Variants in BBS4 observed in about 807,000 individuals in gnomAD.
BBS4 encodes Bardet-Biedl syndrome 4, also known as BBSome complex member BBS4.
A neutral mutation model predicts 71.4 loss-of-function variants in BBS4; 58 were observed. That is an observed-to-expected ratio of 0.81 (90% CI 0.66 to 1.01). The LOEUF (loss-of-function observed/expected upper bound fraction) is 1.01, where lower values mean the gene tolerates loss of function less well. Among genes scored for constraint, BBS4 ranks in the 50% least tolerant of loss-of-function variants. BBS4 has a pLI of 0.00. For synonymous variants in BBS4, 228 were observed against 216.8 expected (o/e 1.05, Z -0.46); for missense variants, 660 against 607.9 (o/e 1.09, Z -0.90).
rs758120829 is a variant in BBS4 at position 72,737,583 on chromosome 15, A to G, written c.1556A>G (p.Lys519Arg). 7.9e-5 allele frequency: 127 copies of G among 1,603,348 alleles called. No individual in the cohort carries two copies. In the Middle Eastern group the frequency reaches 1.8e-3, roughly 23 times the overall value. Residue 519 changes from lysine to arginine, a missense_variant, in exon 16 of 16, where the codon AAA (lysine) becomes AGA (arginine). Lys to Arg is a conservative substitution (Grantham distance 26). Transcript: ENST00000268057. ...PTETSEQIREK is the reference protein window; with the variant it reads ...PTETSEQIRER ...GAAACATCAGAACAAATAAGAGAGA[A>G]ATAAGAATAGAATGAATGACCCCAA...
At position 72,731,442 on chromosome 15, in the gene BBS4, G is replaced by A; in HGVS notation, c.849G>A (p.Lys283=). The A allele has an allele frequency of 6.2e-7, 1 of 1,614,172 alleles. No homozygotes were observed. The highest frequency in any genetic ancestry group is 1.3e-5 in the African/African-American group (1 of 75,034). The change falls in exon 11 of 16, where the codon AAG becomes AAA. Residue 283 remains lysine, a synonymous_variant. Transcript: ENST00000268057. ...WNNIGMCFFG[K]KKYVAAISCL... is the part of the protein sequence containing the mutation. ...ACATTGGAATGTGTTTCTTTGGCAA[G>A]AAGAAATATGTGGCGGTGAGTGTCC... is the stretch of plus-strand genomic sequence containing the variant.
rs58644289 is a variant in BBS4 at position 72,688,411 on chromosome 15, C to CTTTTTTTTTTTTTTTTTTTTTTTTT, written c.24+2180_24+2181insTTTTTTTTTTTTTTTTTTTTTTTTT. Among the ~76,000 whole-genome samples, 151 of 83,052 alleles carry CTTTTTTTTTTTTTTTTTTTTTTTTT rather than the reference C, an allele frequency of 1.8e-3. 31 individuals carry two copies. Among genetic ancestry groups the CTTTTTTTTTTTTTTTTTTTTTTTTT allele is most frequent in the East Asian group, 5.2e-3 (10 of 1,908 alleles). The allele number at this position is 83,052 out of a possible 152,430, so 54.5% of individuals were successfully genotyped here. A position where few individuals can be genotyped will look rare whatever the true frequency, so the allele number is the denominator to read the frequency against. ...GTCCTTTTAGGAAGTGGTATTTTATCTTTTTTTTTTTTTTTTTTTTGAGAC... is the reference window on the plus strand; with the variant it reads ...GTCCTTTTAGGAAGTGGTATTTTATCTTTTTTTTTTTTTTTTTTTTTTTTTTTTTTTTTTTTTTTTTTTTTGAGAC... On this transcript the variant is annotated intron_variant, in intron 1 of 15. Coordinates refer to ENST00000268057, the MANE Select transcript of BBS4 (RefSeq NM_033028.5).
intron 3 of BBS4, among the ~76,000 whole-genome samples, chr15:72,709,988 T>C (rs1413728307): frequency 3.3e-5 from 5 of 152,100 alleles, no homozygotes; most frequent in Admixed American, 1.3e-4. Context: ...CAAACAAATA[T>C]TAATTGCTCA....
rs749441414 is a variant in BBS4, at chr15:72,737,813, A to G, written c.*226A>G. 5.4e-6 allele frequency: 3 copies of G among 560,176 alleles called. No homozygotes were observed. The highest frequency in any genetic ancestry group is 4.9e-4 in the Middle Eastern group (1 of 2,036). The allele number at this position is 560,176 out of a possible 1,614,324, so 34.7% of individuals were successfully genotyped here. Reference sequence around the variant, plus strand: ...ATAAGCCAGGAAAAGTGAAAAGAGAACACAGTTCCTTTAAGAACTGGCAGC... The same window carrying G: ...ATAAGCCAGGAAAAGTGAAAAGAGAGCACAGTTCCTTTAAGAACTGGCAGC... On this transcript the variant is annotated 3_prime_UTR_variant, in exon 16 of 16. Coordinates refer to ENST00000268057, the MANE Select transcript of BBS4 (RefSeq NM_033028.5).
At chr15:72,690,496 CTT>C (rs969059466) in intron 1 of BBS4, among the ~76,000 whole-genome samples, 2 of 152,092 alleles carry the variant, frequency 1.3e-5, no homozygotes, top group Admixed American at 6.6e-5. Context: ...CTTTTTGAGT[CTT>C]TAACATTCTT....
At chr15:72,710,419 C>A (rs1403298924) in intron 3 of BBS4, among the ~76,000 whole-genome samples, 1 of 151,974 alleles carries the variant, frequency 6.6e-6, no homozygotes, top group Admixed American at 6.6e-5. Flanking sequence ...CCAGGCTGGT[C>A]TCGAACTCCT....
intron 1 of BBS4, among the ~76,000 whole-genome samples, chr15:72,693,808 T>C (rs2065027418): frequency 6.6e-6 from 1 of 152,202 alleles, no homozygotes; most frequent in South Asian, 2.1e-4. Flanking sequence ...ATTATTCTTA[T>C]GATGTCTTAT....
intron 9 of BBS4, among the ~76,000 whole-genome samples, chr15:72,728,612 AG>A (rs1217862987): frequency 6.6e-6 from 1 of 152,196 alleles, no homozygotes; most frequent in Admixed American, 6.5e-5. Context: ...GTGAGCACTT[AG>A]GGCTTTGGGG....
intron 6 of BBS4, 82 bp downstream of exon 6, chr15:72,716,932 T>C: frequency 1.0e-6 from 1 of 986,764 alleles, no homozygotes; most frequent in Non-Finnish European, 1.6e-6. Context: ...TATTTCTGAA[T>C]TCTTACATTC....
At chr15:72,686,312 T>C in intron 1 of BBS4, 61 bp downstream of exon 1, 2 of 1,549,762 alleles carry the variant, frequency 1.3e-6, no homozygotes, top group Non-Finnish European at 8.7e-7. Context: ...GGCGGGTGGC[T>C]TTTGTCCCAT....
At chr15:72,731,208 T>C (rs1466511167) in intron 10 of BBS4, 97 bp from the exon 11 acceptor site, 8 of 1,490,492 alleles carry the variant, frequency 5.4e-6, no homozygotes, top group Non-Finnish European at 7.4e-6. Context: ...GTCCCATCTA[T>C]GCTGATGGGC....
chr15:72,722,510 A>C (rs1326168143), intron 6 of BBS4, among the ~76,000 whole-genome samples: 1 of 152,248 alleles, frequency 6.6e-6, no homozygotes. Context: ...TAAAGAAAAA[A>C]GGTATGGGGA....
intron 1 of BBS4, among the ~76,000 whole-genome samples, chr15:72,692,845 G>C (rs1362612962): frequency 6.6e-6 from 1 of 151,598 alleles, no homozygotes; most frequent in East Asian, 1.9e-4. Flanking sequence ...TGATCCTCCT[G>C]CCTCAGCCTC....
chr15:72,716,787 G>C lies in BBS4; in HGVS notation c.342G>C (p.Leu114Phe). The change falls in exon 6 of 16, where the codon TTG becomes TTC. Residue 114 changes from leucine to phenylalanine, a missense_variant. Physicochemically the swap from Leu to Phe is conservative, Grantham distance 22. Transcript: ENST00000268057. Reference sequence around the variant, plus strand: ...AATATATCTTTTACAGATTTCTTTTGGGAAAACATAAAGCTGCCATTGAAG... The same window carrying C: ...AATATATCTTTTACAGATTTCTTTTCGGAAAACATAAAGCTGCCATTGAAG... ...LKQVARSLFL[L>F]GKHKAAIEVY... The C allele has an allele frequency of 6.2e-7, 1 of 1,607,814 alleles. No homozygotes were observed. The highest frequency in any genetic ancestry group is 1.1e-5 in the South Asian group (1 of 90,426).
At chr15:72,713,456 G>A (rs1236369436) in intron 4 of BBS4, among the ~76,000 whole-genome samples, 1 of 152,048 alleles carries the variant, frequency 6.6e-6, no homozygotes, top group Non-Finnish European at 1.5e-5. Context: ...AACATACATG[G>A]AGCTGTCATC....
chr15:72,728,029 G>A (rs956832906), intron 9 of BBS4, 35 bp downstream of exon 9: 1 of 1,516,788 alleles, frequency 6.6e-7, no homozygotes, highest in East Asian at 2.3e-5. Context: ...ATGCACTGAT[G>A]TTAGAAATGG....
At chr15:72,692,019 G>A (rs1395872848) in intron 1 of BBS4, among the ~76,000 whole-genome samples, 1 of 150,594 alleles carries the variant, frequency 6.6e-6, no homozygotes, top group Non-Finnish European at 1.5e-5. Context: ...GGTAAGTGAG[G>A]TGCTTAGGGT....
intron 12 of BBS4, among the ~76,000 whole-genome samples, chr15:72,734,105 A>G (rs2065877219): frequency 6.6e-6 from 1 of 151,976 alleles, no homozygotes; most frequent in African/African-American, 2.4e-5. Flanking sequence ...TTTTAATGGG[A>G]TTGTATTCTT....
intron 2 of BBS4, among the ~76,000 whole-genome samples, chr15:72,696,133 A>G (rs951550830): frequency 6.6e-6 from 1 of 152,176 alleles, no homozygotes; most frequent in Non-Finnish European, 1.5e-5. Flanking sequence ...TTTCAGTTCT[A>G]TCAATTTTTG....
Sources: gnomAD v4.1 joint callset for allele counts (sites outside exome capture counted in the v4.1 genomes callset) on GRCh38, gnomAD v4.1.1 for gene constraint, MANE v1.5 for transcripts, NCBI Gene and HGNC (gene_info 2026-07-23, HGNC 2026-07-21) for gene names.